RASSF5: variants seen among roughly 807,000 people sequenced by gnomAD.
RASSF5 encodes the protein ras association domain-containing protein 5.
A neutral mutation model predicts 40.5 loss-of-function variants in RASSF5; 25 were observed. That is an observed-to-expected ratio of 0.62 (90% CI 0.45 to 0.86). The LOEUF (loss-of-function observed/expected upper bound fraction) is 0.86, where lower values mean the gene tolerates loss of function less well. Ranked by LOEUF, RASSF5 falls within the 40% of genes least tolerant of loss-of-function variation. The pLI is 0.00. For missense variants in RASSF5, 521 were observed against 572.8 expected (o/e 0.91, Z 0.92); for synonymous variants, 246 against 252.4 (o/e 0.97, Z 0.24).
chr1:206,554,599 C>T (rs868936597), intron 2 of RASSF5, among the ~76,000 whole-genome samples: 9 of 152,146 alleles, frequency 5.9e-5, no homozygotes, highest in South Asian at 4.1e-4. Context: ...ATCCTTTGTG[C>T]GATCACATCT....
intron 2 of RASSF5, among the ~76,000 whole-genome samples, chr1:206,541,032 T>C (rs1242665573): frequency 6.6e-6 from 1 of 152,158 alleles, no homozygotes; most frequent in African/African-American, 2.4e-5. Context: ...GTAGCTGAGA[T>C]TACAAGTGTG....
chr1:206,547,128 A>G (rs571587814), intron 2 of RASSF5, among the ~76,000 whole-genome samples: 12 of 152,178 alleles, frequency 7.9e-5, no homozygotes, highest in Admixed American at 7.9e-4. Flanking sequence ...AAAAAATTTT[A>G]AAAAAGAAAA....
chr1:206,542,378 C>G (rs1354651303), intron 2 of RASSF5: 2 of 152,020 alleles, frequency 1.3e-5, no homozygotes, highest in Non-Finnish European at 2.9e-5. Context: ...TTTTTGCTGT[C>G]TCTCTCGAGT....
Position 206,584,059 on chromosome 1 carries a change from A to T in RASSF5, c.691-328A>T, listed in dbSNP as rs1553406932. ...TGCCTGGTTCAGAGGTACAAACTAG[A>T]GTGGCTACCCCACACCCTGCCTCTT... On this transcript the variant is annotated intron_variant, in intron 3 of 5. Coordinates refer to ENST00000579436, the MANE Select transcript of RASSF5 (RefSeq NM_182663.4). The surrounding 1 kb of genome is among the most constrained non-coding windows in gnomAD (Gnocchi z 4.9). Among the ~76,000 whole-genome samples the T allele has an allele frequency of 6.6e-6, 1 of 152,180 alleles. No individual in the cohort carries two copies. The highest frequency in any genetic ancestry group is 1.9e-4 in the East Asian group (1 of 5,202).
intron 2 of RASSF5, among the ~76,000 whole-genome samples, chr1:206,546,089 A>ATTTTTTTTTTTTTTTT (rs10603701): frequency 4.1e-5 from 2 of 48,248 alleles, no homozygotes; most frequent in African/African-American, 8.1e-5. Context: ...TTCTTTTTCT[A>ATTTTTTTTTTTTTTTT]TTTTTTTTTT....
chr1:206,557,519 C>G (rs180687663), intron 2 of RASSF5: 1 of 1,608,220 alleles, frequency 6.2e-7, no homozygotes. Flanking sequence ...TCCGCCGCAT[C>G]CCAAGCCCGG....
intron 2 of RASSF5, among the ~76,000 whole-genome samples, chr1:206,545,953 A>ATT (rs369989700): frequency 8.8e-5 from 11 of 125,104 alleles, no homozygotes; most frequent in African/African-American, 1.5e-4. Context: ...ATATAGCTAG[A>ATT]TTTTTTTTTT....
intron 2 of RASSF5, chr1:206,572,787 G>A (rs1253984640): frequency 3.3e-5 from 5 of 152,182 alleles, no homozygotes; most frequent in African/African-American, 7.2e-5. Flanking sequence ...TTATACCGAT[G>A]CAATCATAGA....
At chr1:206,575,855 G>A (rs1444824762) in intron 2 of RASSF5, among the ~76,000 whole-genome samples, 2 of 152,184 alleles carry the variant, frequency 1.3e-5, no homozygotes, top group Non-Finnish European at 2.9e-5. Context: ...TGAGCCACAC[G>A]GCTAACGCCA....
intron 1 of RASSF5, among the ~76,000 whole-genome samples, chr1:206,516,307 C>T (rs1338374805): frequency 6.6e-6 from 1 of 152,222 alleles, no homozygotes; most frequent in Non-Finnish European, 1.5e-5. Flanking sequence ...CTGAAAGCCC[C>T]ATCTCCAGAC....
At chr1:206,546,372 A>G (rs1192037203) in intron 2 of RASSF5, among the ~76,000 whole-genome samples, 4 of 151,778 alleles carry the variant, frequency 2.6e-5, no homozygotes, top group Admixed American at 6.6e-5. Flanking sequence ...CAGCCTCCCA[A>G]AGTGCTGGGA....
chr1:206,523,629 A>T (rs1415366918), intron 1 of RASSF5, among the ~76,000 whole-genome samples: 2 of 102,806 alleles, frequency 1.9e-5, no homozygotes, highest in Non-Finnish European at 3.7e-5. Flanking sequence ...AAATATATAA[A>T]ATATATTATA....
At chr1:206,541,584 A>C (rs1377148685) in intron 2 of RASSF5, among the ~76,000 whole-genome samples, 2 of 152,188 alleles carry the variant, frequency 1.3e-5, no homozygotes, top group Admixed American at 1.3e-4. Flanking sequence ...AAGATCTCTG[A>C]GGTCTCTGAT....
intron 2 of RASSF5, among the ~76,000 whole-genome samples, chr1:206,539,593 A>G (rs1052578484): frequency 3.9e-5 from 6 of 152,222 alleles, no homozygotes; most frequent in African/African-American, 1.4e-4. Context: ...TAAAATGTAT[A>G]TTTTAAAACT....
intron 1 of RASSF5, among the ~76,000 whole-genome samples, chr1:206,520,506 C>T (rs1413142467): frequency 9.2e-5 from 14 of 151,368 alleles, no homozygotes; most frequent in Admixed American, 3.3e-4. Flanking sequence ...ACTCGGGAGG[C>T]TGAGGCCGGA....
chr1:206,572,089 G>A (rs570306184), intron 2 of RASSF5, among the ~76,000 whole-genome samples: 2 of 152,304 alleles, frequency 1.3e-5, no homozygotes, highest in East Asian at 3.8e-4. Context: ...AGTCTCAGAA[G>A]TAAATGGGTC....
chr1:206,562,413 GT>G (rs1668168935), intron 2 of RASSF5, among the ~76,000 whole-genome samples: 1 of 152,236 alleles, frequency 6.6e-6, no homozygotes, highest in Non-Finnish European at 1.5e-5. Context: ...CCATTTGACT[GT>G]TTTTTATGTG....
chr1:206,559,598 T>G (rs1668082596), intron 2 of RASSF5, among the ~76,000 whole-genome samples: 1 of 152,202 alleles, frequency 6.6e-6, no homozygotes, highest in Admixed American at 6.5e-5. Context: ...TGAATCCACC[T>G]TGTATCTTGA....
At chr1:206,557,084 A>G in intron 2 of RASSF5, 1 of 969,622 alleles carries the variant, frequency 1.0e-6, no homozygotes, top group Non-Finnish European at 1.2e-6. Context: ...GGCGGGTGGC[A>G]CCCAGGCGGC....
Sources: allele counts gnomAD v4.1 joint callset (sites outside exome capture counted in the v4.1 genomes callset), GRCh38; gene constraint gnomAD v4.1.1; non-coding constraint Gnocchi (gnomAD v3.1); transcripts MANE v1.5; gene names NCBI Gene and HGNC (gene_info 2026-07-23, HGNC 2026-07-21).